The following TGM2 variants were observed in gnomAD, a reference collection of about 807,000 sequenced individuals.
The protein encoded by TGM2 is transglutaminase 2, also known as protein-glutamine gamma-glutamyltransferase 2.
A neutral mutation model predicts 75.6 loss-of-function variants in TGM2; 53 were observed. The ratio of observed to expected loss-of-function variants is 0.70; its 90% CI spans 0.56 to 0.88. The LOEUF (loss-of-function observed/expected upper bound fraction) is 0.88. Ranked by LOEUF, TGM2 falls within the 40% of genes least tolerant of loss-of-function variation. The pLI is 0.00. For missense variants in TGM2, 842 were observed against 928.5 expected (o/e 0.91, Z 1.21); for synonymous variants, 374 against 381.1 (o/e 0.98, Z 0.22).
At chr20:38,140,199 C>T (rs55869571) in intron 8 of TGM2, among the ~76,000 whole-genome samples, 2 of 152,222 alleles carry the variant, frequency 1.3e-5, no homozygotes, top group Non-Finnish European at 2.9e-5. Context: ...CTGATGTTTA[C>T]GTAAGTGTGG....
chr20:38,141,983 T>C (rs1237141861), intron 7 of TGM2, 81 bp downstream of exon 7: 10 of 1,562,146 alleles, frequency 6.4e-6, no homozygotes, highest in African/African-American at 2.7e-5. Context: ...AAATGTGACC[T>C]CCTCCAAGAA....
In TGM2 at chr20:38,130,625, T is replaced by A. The variant is rs534053879; in HGVS notation, c.1914-256A>T. ...AAGGGGATAGGCTCAGGTAGCCGTGTGTGTGAAAATGTATTGAGCTGTACA... is the reference window on the plus strand; with the variant it reads ...AAGGGGATAGGCTCAGGTAGCCGTGAGTGTGAAAATGTATTGAGCTGTACA... On this transcript the variant is annotated intron_variant, in intron 12 of 12. Transcript: ENST00000361475. Among the ~76,000 whole-genome samples, 152 of 152,292 alleles carry A rather than the reference T, an allele frequency of 1.0e-3. 3 individuals carry two copies. In the South Asian group the frequency reaches 0.021, roughly 21 times the overall value.
At position 38,147,951 on chromosome 20, in the gene TGM2, A is replaced by G; in HGVS notation, c.681+10T>C. The G allele has an allele frequency of 6.2e-7, 1 of 1,607,816 alleles. No homozygotes were observed. The highest frequency in any genetic ancestry group is 8.5e-7 in the Non-Finnish European group (1 of 1,178,006). On this transcript the variant is annotated intron_variant, in intron 5 of 12. Transcript: ENST00000361475. ...GCCCCGCCCCTGGATGGGCCATGCCACTCACTCACCATGCCACTCACCACC... is the reference window on the plus strand; with the variant it reads ...GCCCCGCCCCTGGATGGGCCATGCCGCTCACTCACCATGCCACTCACCACC...
intron 7 of TGM2, among the ~76,000 whole-genome samples, chr20:38,141,821 A>G (rs1476460069): frequency 6.6e-6 from 1 of 151,168 alleles, no homozygotes; most frequent in East Asian, 2.0e-4. Context: ...TGCTTTTGGA[A>G]TCAAGCCTGG....
At chr20:38,135,908 C>T (rs1272528866) in intron 10 of TGM2, among the ~76,000 whole-genome samples, 4 of 152,118 alleles carry the variant, frequency 2.6e-5, no homozygotes, top group African/African-American at 4.8e-5. Context: ...CGGCTGCGGG[C>T]GCATCAGGCA....
chr20:38,138,197 C>T lies in TGM2; in HGVS notation c.1531G>A (p.Ala511Thr). ...EEYVCRLLLC[A>T]RTVSYNGILG... ...ATCCCATTGTAGCTGACGGTGCGGG[C>T]ACAGAGCAGGAGGCGGCAGACGTAC... The change falls in exon 10 of 13, where the codon GCC (alanine) becomes ACC (threonine). Residue 511 changes from alanine to threonine, a missense_variant. Coordinates refer to ENST00000361475, the MANE Select transcript of TGM2 (RefSeq NM_004613.4). 6.2e-7 allele frequency: 1 copy of T among 1,609,484 alleles called. No individual in the cohort carries two copies. Among genetic ancestry groups the T allele is most frequent in the Non-Finnish European group, 8.5e-7 (1 of 1,177,940 alleles).
At chr20:38,132,793 G>A (rs758505501) in intron 10 of TGM2, 12 of 512,422 alleles carry the variant, frequency 2.3e-5, no homozygotes, top group Non-Finnish European at 4.5e-5. Context: ...CCACCTCCCA[G>A]GTCCTCGATG....
At chr20:38,166,844 T>C (rs2075314595), upstream of TGM2, among the ~76,000 whole-genome samples, 4 of 152,254 alleles carry the variant, frequency 2.6e-5, 1 homozygote, top group South Asian at 8.3e-4. Flanking sequence ...ATAGAGATTG[T>C]TGCAGAAACT....
At chr20:38,151,183 A>G in intron 3 of TGM2, 126 bp from the exon 4 acceptor site, 1 of 743,636 alleles carries the variant, frequency 1.3e-6, no homozygotes. Flanking sequence ...CCTTCTTTTA[A>G]TTAGAAAAAG....
intron 9 of TGM2, 145 bp downstream of exon 9, chr20:38,139,267 G>A (rs902026022): frequency 1.9e-4 from 220 of 1,174,200 alleles, no homozygotes; most frequent in Non-Finnish European, 2.5e-4. Context: ...CTAAGGCATT[G>A]CTGAAGATGG....
chr20:38,142,251 C>T, intron 6 of TGM2, 52 bp from the exon 7 acceptor site: 1 of 1,608,842 alleles, frequency 6.2e-7, no homozygotes, highest in South Asian at 1.1e-5. Flanking sequence ...ATCCGCCCTG[C>T]TCTGGGCCTC....
intron 2 of TGM2, among the ~76,000 whole-genome samples, chr20:38,156,508 T>C (rs941743527): frequency 6.6e-6 from 1 of 152,382 alleles, no homozygotes; most frequent in East Asian, 1.9e-4. Context: ...CCTCCTTTCC[T>C]GCCTACATCC....
chr20:38,164,350 G>T (rs1015742473), intron 1 of TGM2, among the ~76,000 whole-genome samples: 3 of 152,212 alleles, frequency 2.0e-5, no homozygotes, highest in African/African-American at 4.8e-5. Context: ...TGACCCAAGA[G>T]CCAGCTGGGA....
chr20:38,162,510 G>C (rs1462204932), intron 1 of TGM2, among the ~76,000 whole-genome samples: 1 of 152,158 alleles, frequency 6.6e-6, no homozygotes, highest in Non-Finnish European at 1.5e-5. Flanking sequence ...TAAATAGATT[G>C]CAAGAAAGAA....
intron 2 of TGM2, among the ~76,000 whole-genome samples, chr20:38,159,229 G>A (rs527672531): frequency 6.6e-6 from 1 of 152,286 alleles, no homozygotes; most frequent in South Asian, 2.1e-4. Context: ...AAAGAAGGCA[G>A]CCTTATCCTC....
chr20:38,160,582 A>C (rs537090718), intron 2 of TGM2, among the ~76,000 whole-genome samples: 1 of 152,354 alleles, frequency 6.6e-6, no homozygotes, highest in East Asian at 1.9e-4. Flanking sequence ...CACAGCAGGT[A>C]GGCAGCCCAG....
rs1327234275 is a variant in TGM2, at chr20:38,141,314, G to A, written c.1067C>T (p.Ala356Val). 3 of 1,586,988 alleles carry A rather than the reference G, an allele frequency of 1.9e-6. No homozygotes were observed. Among genetic ancestry groups the A allele is most frequent in the Non-Finnish European group, 2.6e-6 (3 of 1,166,784 alleles). ...DLQPGYEGWQ[A>V]LDPTPQEKSE... ...CTTCTCCTGGGGCGTTGGGTCCAGGGCCTGCCAGCCCTCGTACCCCGGCTG... is the reference window on the plus strand; with the variant it reads ...CTTCTCCTGGGGCGTTGGGTCCAGGACCTGCCAGCCCTCGTACCCCGGCTG... Residue 356 changes from alanine to valine, a missense_variant, in exon 8 of 13, where the codon GCC becomes GTC. Coordinates refer to ENST00000361475, the MANE Select transcript of TGM2 (RefSeq NM_004613.4).
In TGM2 at chr20:38,157,226, C is replaced by A. The variant is rs569231330; in HGVS notation, c.191-1137G>T. Among the ~76,000 whole-genome samples, 743 of 152,296 alleles carry A rather than the reference C, an allele frequency of 4.9e-3. 2 individuals carry two copies. Among genetic ancestry groups the A allele is most frequent in the African/African-American group, 0.017 (716 of 41,568 alleles). ...AGGGGCTCCCTCCCAGCCCCCAGCC[C>A]CCTCCTCCCTGCCAGCCAGCCCCAC... On this transcript the variant is annotated intron_variant, in intron 2 of 12. Coordinates refer to ENST00000361475, the MANE Select transcript of TGM2 (RefSeq NM_004613.4).
chr20:38,132,709 C>G (rs758659570), intron 10 of TGM2: 11 of 705,050 alleles, frequency 1.6e-5, no homozygotes, highest in Non-Finnish European at 2.5e-5. Context: ...GTAGAGGACG[C>G]ACTTGGACTC....
Sources: gnomAD v4.1 joint callset for allele counts (sites outside exome capture counted in the v4.1 genomes callset) on GRCh38, gnomAD v4.1.1 for gene constraint, MANE v1.5 for transcripts, NCBI Gene and HGNC (gene_info 2026-07-23, HGNC 2026-07-21) for gene names.